Variants in ARHGAP21 observed in about 807,000 individuals in gnomAD.
ARHGAP21 encodes Rho GTPase activating protein 21, also known as rho GTPase-activating protein 21.
In ARHGAP21, 38 loss-of-function variants were observed where a neutral mutation model predicts 164.6. That is an observed-to-expected ratio of 0.23 (90% CI 0.18 to 0.30). ARHGAP21 has a LOEUF of 0.30. Among genes scored for constraint, ARHGAP21 ranks in the 10% least tolerant of loss-of-function variants. The pLI, the probability that ARHGAP21 is intolerant of heterozygous loss-of-function variation, is 1.00. For missense variants in ARHGAP21, 1,822 were observed against 2,370.7 expected (o/e 0.77, Z 4.81); for synonymous variants, 766 against 857.9 (o/e 0.89, Z 1.87).
chr10:24,675,260 A>G (rs1319959212), intron 2 of ARHGAP21, among the ~76,000 whole-genome samples: 3 of 152,252 alleles, frequency 2.0e-5, no homozygotes, highest in Admixed American at 2.0e-4. Flanking sequence ...AACTATTGAT[A>G]TATGTAGCAA....
chr10:24,662,746 G>A (rs1839832915), intron 4 of ARHGAP21, among the ~76,000 whole-genome samples: 2 of 152,196 alleles, frequency 1.3e-5, no homozygotes, highest in East Asian at 3.9e-4. Context: ...AAGAGGTAAG[G>A]TACTTGAATT....
intron 2 of ARHGAP21, among the ~76,000 whole-genome samples, chr10:24,676,817 A>C (rs1053181801): frequency 2.6e-5 from 4 of 152,358 alleles, no homozygotes; most frequent in African/African-American, 9.6e-5. Context: ...TTTTCTCATC[A>C]TTAAAATAAG....
chr10:24,703,479 C>A (rs997727401), intron 2 of ARHGAP21, among the ~76,000 whole-genome samples: 2 of 152,136 alleles, frequency 1.3e-5, no homozygotes, highest in African/African-American at 2.4e-5. Flanking sequence ...AAGTAACACT[C>A]AAGCCATACC....
intron 11 of ARHGAP21, among the ~76,000 whole-genome samples, chr10:24,605,393 G>A (rs2076981196): frequency 6.6e-6 from 1 of 152,190 alleles, no homozygotes; most frequent in Non-Finnish European, 1.5e-5. Context: ...GCAGGAAACA[G>A]TGTGTAGTTG....
intron 7 of ARHGAP21, chr10:24,629,607 A>AT (rs201599192): frequency 4.5e-3 from 691 of 152,850 alleles, no homozygotes; most frequent in South Asian, 4.7e-3. Context: ...ATAAGATTCT[A>AT]TTTTTTTTTT....
At chr10:24,647,160 C>A (rs1329446691) in intron 4 of ARHGAP21, among the ~76,000 whole-genome samples, 2 of 152,182 alleles carry the variant, frequency 1.3e-5, no homozygotes, top group African/African-American at 4.8e-5. Flanking sequence ...GTTTTTCAAA[C>A]TCTTAAAACC....
At chr10:24,664,566 ATAAT>A (rs1474539708) in intron 4 of ARHGAP21, among the ~76,000 whole-genome samples, 2 of 147,326 alleles carry the variant, frequency 1.4e-5, no homozygotes, top group Non-Finnish European at 3.0e-5. Context: ...AAAAAAAAAA[ATAAT>A]AATAATAATA....
intron 21 of ARHGAP21, among the ~76,000 whole-genome samples, chr10:24,593,720 ACTC>A (rs1172696793): frequency 1.3e-5 from 2 of 152,244 alleles, no homozygotes; most frequent in South Asian, 2.1e-4. Flanking sequence ...GACCAACAGT[ACTC>A]CTAACATTCA....
intron 4 of ARHGAP21, among the ~76,000 whole-genome samples, chr10:24,651,145 G>A (rs1450859762): frequency 6.6e-6 from 1 of 152,196 alleles, no homozygotes. Context: ...AACTTGCCGA[G>A]GGGAAGACTG....
intron 2 of ARHGAP21, among the ~76,000 whole-genome samples, chr10:24,716,807 G>T (rs1241845971): frequency 6.6e-6 from 1 of 152,196 alleles, no homozygotes; most frequent in Non-Finnish European, 1.5e-5. Context: ...AGACATCAAA[G>T]ATCACTCCAA....
chr10:24,618,945 G>A (rs915583474), intron 9 of ARHGAP21, among the ~76,000 whole-genome samples: 3 of 152,132 alleles, frequency 2.0e-5, no homozygotes, highest in African/African-American at 4.8e-5. Flanking sequence ...GACAGGTGCC[G>A]GCAACTGTGG....
chr10:24,637,941 T>G (rs966134034), intron 4 of ARHGAP21, among the ~76,000 whole-genome samples: 1 of 151,752 alleles, frequency 6.6e-6, no homozygotes, highest in Non-Finnish European at 1.5e-5. Context: ...CTTGGCTCAC[T>G]GTAACCTCTG....
rs754432618 is a variant in ARHGAP21, at chr10:24,592,030, A to T, written c.3877-18T>A. 1 of 1,543,116 alleles carries T rather than the reference A, an allele frequency of 6.5e-7. No homozygotes were observed. The highest frequency in any genetic ancestry group is 1.4e-5 in the African/African-American group (1 of 72,600). On this transcript the variant is annotated intron_variant, in intron 21 of 25. Transcript: ENST00000396432. ...GGTTCCATCTGAAAGAAAGGATGAT[A>T]CTGGGAAATACCAGAATTTTTCTTA...
chr10:24,715,307 ATGTT>A (rs1250625962), intron 2 of ARHGAP21, among the ~76,000 whole-genome samples: 1 of 152,198 alleles, frequency 6.6e-6, no homozygotes, highest in Non-Finnish European at 1.5e-5. Context: ...ATCACGGTCA[ATGTT>A]TGTGATCTTT....
At position 24,665,764 on chromosome 10, in the gene ARHGAP21, G is replaced by A. The variant is rs111780326; in HGVS notation, c.268+1221C>T. 3.3e-3 allele frequency among the ~76,000 whole-genome samples: 507 copies of A among 152,214 alleles called. 3 individuals carry two copies. Among genetic ancestry groups the A allele is most frequent in the Middle Eastern group, 0.027 (8 of 294 alleles). ...CAAATGTGGTATTCTTGCTAAACAC[G>A]TATGACCTTGAACTAGGGAGAAAAC... On this transcript the variant is annotated intron_variant, in intron 4 of 25. Coordinates refer to ENST00000396432, the MANE Select transcript of ARHGAP21 (RefSeq NM_020824.4).
At chr10:24,690,173 C>T (rs1842639826) in intron 2 of ARHGAP21, among the ~76,000 whole-genome samples, 1 of 152,098 alleles carries the variant, frequency 6.6e-6, no homozygotes, top group Admixed American at 6.6e-5. Context: ...TACATTACTA[C>T]TACTATTATT....
At chr10:24,710,162 G>C (rs1844641805) in intron 2 of ARHGAP21, among the ~76,000 whole-genome samples, 1 of 152,076 alleles carries the variant, frequency 6.6e-6, no homozygotes, top group Admixed American at 6.5e-5. Flanking sequence ...AGCTGAATAA[G>C]CTACAGCTAG....
rs149915554 is a variant in ARHGAP21, at chr10:24,693,454, A to G, written c.64-23057T>C. ...CTGCCTCTGCCTCCCCGGTACAAGC[A>G]ATTCTCCTGCCTCAGCCTCCCGAGT... On this transcript the variant is annotated intron_variant, in intron 2 of 25. Coordinates refer to ENST00000396432, the MANE Select transcript of ARHGAP21 (RefSeq NM_020824.4). Among the ~76,000 whole-genome samples, 230 of 151,924 alleles carry G rather than the reference A, an allele frequency of 1.5e-3. 5 individuals carry two copies. The East Asian group carries it at 0.038, about 25-fold the overall frequency.
chr10:24,650,606 G>C (rs905946993), intron 4 of ARHGAP21, among the ~76,000 whole-genome samples: 1 of 152,036 alleles, frequency 6.6e-6, no homozygotes, highest in African/African-American at 2.4e-5. Context: ...AATGAACCAA[G>C]AGAAAGTTCA....
Sources: gnomAD v4.1 joint callset for allele counts (sites outside exome capture counted in the v4.1 genomes callset) on GRCh38, gnomAD v4.1.1 for gene constraint, MANE v1.5 for transcripts, NCBI Gene and HGNC (gene_info 2026-07-23, HGNC 2026-07-21) for gene names.